LOC400499: variants seen among roughly 807,000 people sequenced by gnomAD.
the LOC400499 span, among the ~76,000 whole-genome samples, chr16:11,503,477 C>G: frequency 6.6e-6 from 1 of 152,194 alleles, no homozygotes; most frequent in Non-Finnish European, 1.5e-5. Flanking sequence ...AGCCAGGTCC[C>G]AGCTTCCTGC....
chr16:11,384,414 G>A, the LOC400499 span: 2 of 669,534 alleles, frequency 3.0e-6, no homozygotes, highest in Admixed American at 4.3e-5. Flanking sequence ...CTGTGTGTGA[G>A]ATGAGCCTGA....
At chr16:11,393,695 A>T in the LOC400499 span, 2 of 647,146 alleles carry the variant, frequency 3.1e-6, no homozygotes, top group Non-Finnish European at 2.2e-6. Context: ...GGGAAGGCAC[A>T]ATGCCCACGC....
At chr16:11,372,578 C>A in the LOC400499 span, 6 of 194,596 alleles carry the variant, frequency 3.1e-5, no homozygotes, top group Non-Finnish European at 4.7e-5. Context: ...GCCCTGCTTC[C>A]GTGCGTTTGC....
At chr16:11,393,633 G>A in the LOC400499 span, 1 of 1,186,306 alleles carries the variant, frequency 8.4e-7, no homozygotes, top group East Asian at 3.2e-5. Flanking sequence ...CCCGCCCCAG[G>A]CTCAGGAAGA....
the LOC400499 span, among the ~76,000 whole-genome samples, chr16:11,438,790 A>G: frequency 6.6e-6 from 1 of 151,798 alleles, no homozygotes; most frequent in African/African-American, 2.4e-5. Flanking sequence ...TCCTGTCTCA[A>G]AAGAAATTTT....
At chr16:11,387,064 A>AG in the LOC400499 span, 2 of 1,219,524 alleles carry the variant, frequency 1.6e-6, no homozygotes, top group Non-Finnish European at 2.0e-6. Flanking sequence ...CCCAGGAGGC[A>AG]GGGGGCTCTC....
chr16:11,393,071 G>T, the LOC400499 span, among the ~76,000 whole-genome samples: 1 of 152,040 alleles, frequency 6.6e-6, no homozygotes, highest in African/African-American at 2.4e-5. Flanking sequence ...AGCCAGGATG[G>T]TCTCGATCTC....
At chr16:11,482,161 A>C in the LOC400499 span, among the ~76,000 whole-genome samples, 5 of 152,216 alleles carry the variant, frequency 3.3e-5, no homozygotes. Context: ...CACAGACATC[A>C]GGCAATCCAA....
At chr16:11,434,973 G>T in the LOC400499 span, among the ~76,000 whole-genome samples, 1 of 152,112 alleles carries the variant, frequency 6.6e-6, no homozygotes. Context: ...CTTTTTACAT[G>T]ATTATTATTA....
the LOC400499 span, among the ~76,000 whole-genome samples, chr16:11,484,455 G>A: frequency 6.6e-6 from 1 of 152,284 alleles, no homozygotes; most frequent in Non-Finnish European, 1.5e-5. Context: ...TGTTCACCGT[G>A]TGTCAATTAG....
At chr16:11,379,044 A>C in the LOC400499 span, among the ~76,000 whole-genome samples, 1 of 152,168 alleles carries the variant, frequency 6.6e-6, no homozygotes, top group African/African-American at 2.4e-5. Context: ...TGGGTGGATC[A>C]CCTGAGGTCA....
the LOC400499 span, among the ~76,000 whole-genome samples, chr16:11,457,384 G>A: frequency 2.0e-5 from 3 of 151,632 alleles, no homozygotes; most frequent in East Asian, 2.0e-4. Flanking sequence ...ACGAGGTCAG[G>A]AGATCAAGAC....
the LOC400499 span, among the ~76,000 whole-genome samples, chr16:11,517,481 A>T: frequency 6.6e-6 from 1 of 152,244 alleles, no homozygotes; most frequent in South Asian, 2.1e-4. Flanking sequence ...CTCCACCCAC[A>T]TTCTGGATGA....
chr16:11,493,695 C>G, the LOC400499 span: 1 of 397,226 alleles, frequency 2.5e-6, no homozygotes, highest in African/African-American at 2.1e-5. Context: ...CCAGCCGGAT[C>G]TCGGGTGTGC....
chr16:11,377,083 A>T, the LOC400499 span, among the ~76,000 whole-genome samples: 1 of 152,056 alleles, frequency 6.6e-6, no homozygotes, highest in African/African-American at 2.4e-5. Context: ...CCTCCCAAGT[A>T]GCTGAGACTA....
the LOC400499 span, chr16:11,424,020 C>G: frequency 2.5e-6 from 1 of 399,032 alleles, no homozygotes; most frequent in Non-Finnish European, 4.4e-6. Context: ...AGACTACGTC[C>G]CACACTCTGG....
the LOC400499 span, chr16:11,518,805 G>A: frequency 2.5e-6 from 1 of 398,502 alleles, no homozygotes; most frequent in African/African-American, 2.1e-5. Flanking sequence ...CTAATTCAGT[G>A]CACCCAGAGC....
chr16:11,425,445 G>A, the LOC400499 span: 1 of 399,076 alleles, frequency 2.5e-6, no homozygotes, highest in Non-Finnish European at 4.4e-6. Flanking sequence ...TGCAGAGAAT[G>A]GTGGAGAAGA....
the LOC400499 span, among the ~76,000 whole-genome samples, chr16:11,456,494 G>C: frequency 6.6e-6 from 1 of 152,226 alleles, no homozygotes; most frequent in African/African-American, 2.4e-5. Flanking sequence ...GGTGGGACAA[G>C]GCTGGAGAAG....
Sources: gnomAD v4.1 joint callset for allele counts (sites outside exome capture counted in the v4.1 genomes callset) on GRCh38, gnomAD v4.1.1 for gene constraint, MANE v1.5 for transcripts.